The following RGS22 variants were observed in gnomAD, a reference collection of about 807,000 sequenced individuals.
RGS22 encodes regulator of G protein signaling 22.
A neutral mutation model predicts 172.9 loss-of-function variants in RGS22; 148 were observed. The ratio of observed to expected loss-of-function variants is 0.86; its 90% CI spans 0.75 to 0.98. The LOEUF is 0.98. RGS22 is among the 50% of genes least tolerant of loss of function. The pLI is 0.00. For synonymous variants in RGS22, 458 were observed against 480.2 expected (o/e 0.95, Z 0.60); for missense variants, 1,347 against 1,440.8 (o/e 0.93, Z 1.05).
chr8:99,992,521 G>A (rs1425168849), intron 20 of RGS22, among the ~76,000 whole-genome samples: 3 of 152,038 alleles, frequency 2.0e-5, no homozygotes, highest in African/African-American at 7.3e-5. Flanking sequence ...AGACAAAGAA[G>A]GCCGTTACAT....
chr8:100,084,921 C>T (rs952326545), intron 3 of RGS22, among the ~76,000 whole-genome samples: 1 of 152,064 alleles, frequency 6.6e-6, no homozygotes, highest in African/African-American at 2.4e-5. Context: ...ATGCAAATGC[C>T]AAGGGCAAAT....
rs775668290 is a variant in RGS22 at position 100,002,291 on chromosome 8, C to T, written c.2701G>A (p.Ala901Thr). ...TTGTTTTTAATGTATATAGATTTTG[C>T]CTTCCTTTGATTTCGATCTCTGTAA... is the stretch of plus-strand genomic sequence containing the variant. ...ITYRDRNQRK[A>T]KSIYIKNKYL... Residue 901 changes from alanine to threonine, a missense_variant, in exon 18 of 28, where the codon GCA becomes ACA. Coordinates refer to ENST00000360863, the MANE Select transcript of RGS22 (RefSeq NM_015668.5). 2 of 1,611,866 alleles carry T rather than the reference C, an allele frequency of 1.2e-6. No homozygotes were observed. Among genetic ancestry groups the T allele is most frequent in the South Asian group, 2.2e-5 (2 of 90,702 alleles).
intron 10 of RGS22, among the ~76,000 whole-genome samples, chr8:100,051,382 T>TTTATATATATTTTTATATATATATTTA (rs1821259920): frequency 1.5e-5 from 2 of 132,374 alleles, no homozygotes; most frequent in African/African-American, 5.5e-5. Flanking sequence ...GTGACATGAT[T>TTTATATATATTTTTATATATATATTTA]TTATATATAT....
At chr8:100,026,793 T>C (rs945088931) in intron 14 of RGS22, among the ~76,000 whole-genome samples, 2 of 152,200 alleles carry the variant, frequency 1.3e-5, no homozygotes, top group African/African-American at 2.4e-5. Context: ...ACAGCAGCTT[T>C]TGGCTCAAAA....
chr8:99,968,285 C>A (rs1033624964), intron 23 of RGS22, among the ~76,000 whole-genome samples: 2 of 152,118 alleles, frequency 1.3e-5, no homozygotes, highest in African/African-American at 2.4e-5. Context: ...AAAACCAGCA[C>A]AAAAAGGCTG....
At chr8:99,979,686 G>C (rs1358841074) in intron 22 of RGS22, among the ~76,000 whole-genome samples, 1 of 152,078 alleles carries the variant, frequency 6.6e-6, no homozygotes, top group Non-Finnish European at 1.5e-5. Context: ...GCTCAACTTT[G>C]CTCTCATATC....
chr8:100,061,534 T>A (rs752254334), intron 9 of RGS22, among the ~76,000 whole-genome samples: 10 of 151,884 alleles, frequency 6.6e-5, no homozygotes, highest in Non-Finnish European at 1.0e-4. Flanking sequence ...TGGCCAACAG[T>A]CATATGAAAA....
intron 23 of RGS22, among the ~76,000 whole-genome samples, chr8:99,971,104 TAA>T (rs1811290265): frequency 6.6e-6 from 1 of 152,162 alleles, no homozygotes; most frequent in African/African-American, 2.4e-5. Flanking sequence ...ATCCACCACA[TAA>T]ACAGAACCAA....
intron 3 of RGS22, among the ~76,000 whole-genome samples, chr8:100,082,949 T>C (rs981248167): frequency 2.6e-5 from 4 of 152,178 alleles, no homozygotes; most frequent in Admixed American, 2.0e-4. Context: ...GTAGTTGGAA[T>C]AGTTTAAGGA....
chr8:100,062,843 CAA>C, intron 8 of RGS22, 91 bp from the exon 9 acceptor site: 1 of 1,040,938 alleles, frequency 9.6e-7, no homozygotes, highest in Non-Finnish European at 1.4e-6. Context: ...AGAATAAACA[CAA>C]GTTAAAGACT....
At chr8:100,076,986 C>T (rs1811400361) in intron 4 of RGS22, among the ~76,000 whole-genome samples, 1 of 151,394 alleles carries the variant, frequency 6.6e-6, no homozygotes, top group Non-Finnish European at 1.5e-5. Flanking sequence ...GAGCGAGACC[C>T]TGTCTCAAAA....
chr8:100,023,607 T>A (rs28410444), intron 14 of RGS22, among the ~76,000 whole-genome samples: 29,020 of 151,892 alleles, frequency 0.19, 2,988 homozygotes, highest in African/African-American at 0.26. Context: ...CTAATTTTTT[T>A]AATTTTTTGT....
intron 6 of RGS22, among the ~76,000 whole-genome samples, chr8:100,068,191 C>G (rs1038550100): frequency 6.6e-6 from 1 of 151,962 alleles, no homozygotes; most frequent in Non-Finnish European, 1.5e-5. Flanking sequence ...GAGTTCAAGA[C>G]CAGTCTGGGC....
chr8:100,091,282 C>T (rs1412744761), intron 3 of RGS22, among the ~76,000 whole-genome samples: 1 of 130,932 alleles, frequency 7.6e-6, no homozygotes, highest in Non-Finnish European at 1.6e-5. Context: ...AATGTAGATG[C>T]AAGAGGAACT....
At chr8:100,094,404 T>G (rs1277173548) in intron 2 of RGS22, among the ~76,000 whole-genome samples, 1 of 152,200 alleles carries the variant, frequency 6.6e-6, no homozygotes, top group East Asian at 1.9e-4. Context: ...TTTTAAAAAT[T>G]TATTGAAGTA....
chr8:99,977,681 A>C (rs1563566550), intron 23 of RGS22, among the ~76,000 whole-genome samples: 1 of 152,182 alleles, frequency 6.6e-6, no homozygotes, highest in African/African-American at 2.4e-5. Flanking sequence ...CAGCGGATGC[A>C]AGCTGCTTGC....
chr8:100,068,386 C>G (rs1166419806), intron 6 of RGS22, among the ~76,000 whole-genome samples: 1 of 151,666 alleles, frequency 6.6e-6, no homozygotes, highest in Non-Finnish European at 1.5e-5. Flanking sequence ...CCTGTCTCAA[C>G]AAAAAACATT....
At chr8:100,068,757 C>T (rs1340593983) in intron 6 of RGS22, among the ~76,000 whole-genome samples, 1 of 151,854 alleles carries the variant, frequency 6.6e-6, no homozygotes, top group Non-Finnish European at 1.5e-5. Flanking sequence ...CATGGCAAAA[C>T]CCCGTCTCTA....
chr8:100,057,048 G>A (rs933006945), intron 9 of RGS22, among the ~76,000 whole-genome samples: 52 of 152,334 alleles, frequency 3.4e-4, no homozygotes, highest in African/African-American at 1.2e-3. Context: ...AAGACCATGT[G>A]AACCCACCTC....
Sources: allele counts gnomAD v4.1 joint callset (sites outside exome capture counted in the v4.1 genomes callset), GRCh38; gene constraint gnomAD v4.1.1; transcripts MANE v1.5; gene names NCBI Gene and HGNC (gene_info 2026-07-23, HGNC 2026-07-21).